Variants in TBC1D8B observed in about 807,000 individuals in gnomAD.
The protein encoded by TBC1D8B is RP11-321G1.1.
TBC1D8B carries 75 observed loss-of-function variants against 82.9 expected under a neutral mutation model. The ratio of observed to expected loss-of-function variants is 0.90; its 90% CI spans 0.75 to 1.10. The LOEUF (loss-of-function observed/expected upper bound fraction) is 1.10. Ranked by LOEUF, TBC1D8B falls within the 50% of genes least tolerant of loss-of-function variation. TBC1D8B has a pLI of 0.00. For missense variants in TBC1D8B, 794 were observed against 796.9 expected, an observed-to-expected ratio of 1.00 and a Z score of 0.04; for synonymous variants, 276 against 276.8, an observed-to-expected ratio of 1.00 and a Z score of 0.03.
At chrX:106,849,157 A>T (rs1932529231) in intron 11 of TBC1D8B, 1 of 857,114 alleles carries the variant, frequency 1.2e-6, no homozygotes, top group South Asian at 2.6e-5. Context: ...TTGTACCGTA[A>T]TAGGCTTTCA....
intron 7 of TBC1D8B, among the ~76,000 whole-genome samples, chrX:106,830,966 A>ATAAT (rs1276926323): frequency 9.2e-6 from 1 of 108,797 alleles, no homozygotes; most frequent in African/African-American, 3.3e-5. Context: ...AAATAAATAA[A>ATAAT]TAAATAAATA....
chrX:106,853,943 C>T (rs1932645398), intron 13 of TBC1D8B, among the ~76,000 whole-genome samples: 1 of 111,804 alleles, frequency 8.9e-6, no homozygotes, highest in African/African-American at 3.2e-5. Flanking sequence ...TTATTATTCA[C>T]TTCTTAGAGA....
chrX:106,848,102 C>T (rs777711857), intron 10 of TBC1D8B, 84 bp from the exon 11 acceptor site: 28 of 584,171 alleles, frequency 4.8e-5, no homozygotes, highest in African/African-American at 6.9e-5. Context: ...GTTCTTGTTG[C>T]TGTCAAAAAC....
At chrX:106,816,563 A>G (rs935552877) in intron 1 of TBC1D8B, among the ~76,000 whole-genome samples, 17 of 110,331 alleles carry the variant, frequency 1.5e-4, no homozygotes, top group African/African-American at 3.9e-4. Flanking sequence ...CTTTTCCCCA[A>G]TACTTTCTCT....
intron 7 of TBC1D8B, chrX:106,828,932 G>C (rs1231346497): frequency 1.9e-5 from 2 of 107,360 alleles, no homozygotes; most frequent in Non-Finnish European, 3.8e-5. Flanking sequence ...AGTGTTGGAA[G>C]TTCTGGCCAG....
intron 10 of TBC1D8B, among the ~76,000 whole-genome samples, chrX:106,844,708 G>A (rs1932395844): frequency 9.2e-6 from 1 of 108,916 alleles, no homozygotes; most frequent in Admixed American, 9.9e-5. Context: ...TAGTTTTTTT[G>A]TGATGTCTTC....
At chrX:106,830,107 A>C in intron 7 of TBC1D8B, 1 of 112,093 alleles carries the variant, frequency 8.9e-6, no homozygotes, top group Non-Finnish European at 1.9e-5. Context: ...AGAAAAAAAC[A>C]AACAACCCCA....
intron 1 of TBC1D8B, chrX:106,815,720 C>T (rs1297272398): frequency 1.8e-5 from 2 of 111,081 alleles, no homozygotes; most frequent in Non-Finnish European, 3.8e-5. Context: ...TCTTTTATTT[C>T]ATTGAGCAGT....
chrX:106,838,043 G>A (rs1325981510), intron 7 of TBC1D8B, among the ~76,000 whole-genome samples: 1 of 111,394 alleles, frequency 9.0e-6, no homozygotes, highest in East Asian at 2.8e-4. Flanking sequence ...GTTTTAATTT[G>A]CAATTACCCA....
intron 7 of TBC1D8B, among the ~76,000 whole-genome samples, chrX:106,831,719 T>C (rs780254779): frequency 3.6e-5 from 4 of 111,915 alleles, no homozygotes; most frequent in Non-Finnish European, 7.5e-5. Context: ...TCAAAATGAG[T>C]TTACCATCTT....
intron 1 of TBC1D8B, among the ~76,000 whole-genome samples, chrX:106,813,216 A>C (rs774408599): frequency 8.1e-5 from 9 of 111,714 alleles, no homozygotes; most frequent in Non-Finnish European, 1.7e-4. Context: ...GAAATGATAC[A>C]ATGTCTAGAA....
At chrX:106,807,628 T>C in intron 1 of TBC1D8B, among the ~76,000 whole-genome samples, 1 of 111,541 alleles carries the variant, frequency 9.0e-6, no homozygotes, top group Middle Eastern at 4.6e-3. Flanking sequence ...CTGCCCTTTC[T>C]TATTCAAAGA....
At position 106,802,907 on chromosome X, in the gene TBC1D8B, G is replaced by A; in HGVS notation, c.54G>A (p.Leu18=). Reference sequence around the variant, plus strand: ...TGAAAAATGCGCTGAAGCTGTGGCTGATGGAAAGGTCCAACGACTACTTCG... The same window carrying A: ...TGAAAAATGCGCTGAAGCTGTGGCTAATGGAAAGGTCCAACGACTACTTCG... ...VLLKNALKLW[L]MERSNDYFVL... The change falls in exon 1 of 21, where the codon CTG becomes CTA. Residue 18 remains leucine (L), a synonymous_variant. Transcript: ENST00000357242. The A allele has an allele frequency of 5.0e-6, 6 of 1,211,672 alleles. No individual in the cohort carries two copies. Among genetic ancestry groups the A allele is most frequent in the Non-Finnish European group, 6.7e-6 (6 of 895,430 alleles).
chrX:106,873,649 T>C lies in TBC1D8B; in HGVS notation c.3047T>C (p.Ile1016Thr). ...GAAGAAGAATCATTATATCAAGCCA[T>C]TGCTGTTGTAACCAGCCTTTTACTC... ...DPEEESLYQA[I>T]AVVTSLLLRM... Residue 1016 changes from isoleucine (I) to threonine (T), a missense_variant, in exon 21 of 21, where the codon ATT becomes ACT. Transcript: ENST00000357242. 1 of 1,211,515 alleles carries C rather than the reference T, an allele frequency of 8.3e-7. No individual in the cohort carries two copies. The highest frequency in any genetic ancestry group is 1.1e-6 in the Non-Finnish European group (1 of 895,162).
chrX:106,822,613 C>CAAACAGCT (rs1931725366), intron 4 of TBC1D8B, among the ~76,000 whole-genome samples: 1 of 111,246 alleles, frequency 9.0e-6, no homozygotes, highest in Non-Finnish European at 1.9e-5. Flanking sequence ...TTATAGCATA[C>CAAACAGCT]AAACAGCTTT....
chrX:106,845,175 T>C (rs1182077033), intron 10 of TBC1D8B, among the ~76,000 whole-genome samples: 1 of 109,714 alleles, frequency 9.1e-6, no homozygotes, highest in Non-Finnish European at 1.9e-5. Context: ...GTTCTTGCTC[T>C]TTTTTTTTGG....
At chrX:106,840,919 T>C in intron 10 of TBC1D8B, 35 bp downstream of exon 10, 1 of 1,137,378 alleles carries the variant, frequency 8.8e-7, no homozygotes, top group Non-Finnish European at 1.2e-6. Flanking sequence ...TGTGTGTATG[T>C]TCCAAATAAA....
chrX:106,845,542 A>G (rs1304014915), intron 10 of TBC1D8B, among the ~76,000 whole-genome samples: 1 of 100,997 alleles, frequency 9.9e-6, no homozygotes, highest in Admixed American at 1.2e-4. Flanking sequence ...GAGTGAGAAT[A>G]TGCGGTGTTT....
intron 10 of TBC1D8B, among the ~76,000 whole-genome samples, chrX:106,843,774 T>C (rs1031481716): frequency 2.7e-5 from 3 of 111,164 alleles, no homozygotes; most frequent in African/African-American, 9.8e-5. Flanking sequence ...GTCATCATAT[T>C]GAATCTGTAG....
Sources: allele counts gnomAD v4.1 joint callset (sites outside exome capture counted in the v4.1 genomes callset), GRCh38; gene constraint gnomAD v4.1.1; transcripts MANE v1.5; gene names NCBI Gene and HGNC (gene_info 2026-07-23, HGNC 2026-07-21).